The following KSR2 variants were observed in gnomAD, a reference collection of about 807,000 sequenced individuals.
The protein encoded by KSR2 is kinase suppressor of ras 2.
KSR2 carries 25 observed loss-of-function variants against 107.8 expected under a neutral mutation model. The ratio of observed to expected loss-of-function variants is 0.23; its 90% CI spans 0.17 to 0.32. The LOEUF is 0.32. KSR2 is among the 10% of genes least tolerant of loss of function. KSR2 has a pLI of 1.00. For synonymous variants in KSR2, 480 were observed against 507.0 expected (o/e 0.95, Z 0.71); for missense variants, 887 against 1,268.9 (o/e 0.70, Z 4.57).
intron 1 of KSR2, among the ~76,000 whole-genome samples, chr12:117,906,686 T>C (rs1342520973): frequency 1.3e-5 from 2 of 152,130 alleles, no homozygotes; most frequent in Non-Finnish European, 2.9e-5. Flanking sequence ...GATTCTCTCA[T>C]TGATTCCTTA....
chr12:117,478,645 C>A (rs990095921), intron 16 of KSR2, among the ~76,000 whole-genome samples: 3 of 151,840 alleles, frequency 2.0e-5, no homozygotes, highest in Admixed American at 2.0e-4. Context: ...GCTATGTGAT[C>A]TTGCTATGTT....
At chr12:117,868,469 C>T (rs975516378) in intron 1 of KSR2, among the ~76,000 whole-genome samples, 3 of 151,748 alleles carry the variant, frequency 2.0e-5, no homozygotes, top group African/African-American at 7.3e-5. Context: ...ATAAAAGTAC[C>T]GTTACTGAGC....
chr12:117,861,906 CACA>C (rs1893310058), intron 1 of KSR2, among the ~76,000 whole-genome samples: 1 of 152,150 alleles, frequency 6.6e-6, no homozygotes, highest in South Asian at 2.1e-4. Flanking sequence ...TGTAAAATCT[CACA>C]ACATTAACCA....
intron 5 of KSR2, among the ~76,000 whole-genome samples, chr12:117,584,707 A>T (rs1593020430): frequency 6.6e-6 from 1 of 152,200 alleles, no homozygotes; most frequent in Non-Finnish European, 1.5e-5. Context: ...TACTTAATAC[A>T]TGTTTGCTGA....
In KSR2 at chr12:117,810,741, T is replaced by C. The variant is rs113556995; in HGVS notation, c.472+44687A>G. ...TGCTGCAGTATGAAGATGGTTAAAC[T>C]GTTTAACCATCCCAGACCTCCAGCT... On this transcript the variant is annotated intron_variant, in intron 3 of 19. Coordinates refer to ENST00000339824, the MANE Select transcript of KSR2 (RefSeq NM_173598.6). Among the ~76,000 whole-genome samples the C allele has an allele frequency of 5.8e-3, 886 of 152,316 alleles. 10 individuals are homozygous for C. Among genetic ancestry groups the C allele is most frequent in the African/African-American group, 0.016 (664 of 41,584 alleles).
intron 4 of KSR2, among the ~76,000 whole-genome samples, chr12:117,734,753 C>CATGCATGCATGG: frequency 6.8e-6 from 1 of 148,050 alleles, no homozygotes; most frequent in East Asian, 2.1e-4. Flanking sequence ...TGCATGCATG[C>CATGCATGCATGG]ATGGATGGAT....
chr12:117,927,306 A>G (rs1443921153), intron 1 of KSR2, among the ~76,000 whole-genome samples: 2 of 151,826 alleles, frequency 1.3e-5, no homozygotes, highest in Non-Finnish European at 2.9e-5. Context: ...AACCTGGGAG[A>G]TGAAGGTTGA....
chr12:117,649,415 G>C (rs1406967878), intron 5 of KSR2, among the ~76,000 whole-genome samples: 1 of 152,116 alleles, frequency 6.6e-6, no homozygotes, highest in Non-Finnish European at 1.5e-5. Flanking sequence ...AAACCAATGA[G>C]GATTAAAGCT....
chr12:117,760,985 C>A, intron 4 of KSR2, 26 bp downstream of exon 4: 22 of 1,612,114 alleles, frequency 1.4e-5, no homozygotes, highest in Non-Finnish European at 1.9e-5. Flanking sequence ...TTCGACCGCC[C>A]CAGGGCACCC....
intron 4 of KSR2, among the ~76,000 whole-genome samples, chr12:117,690,964 A>G (rs1885788065): frequency 6.6e-6 from 1 of 152,192 alleles, no homozygotes; most frequent in Non-Finnish European, 1.5e-5. Flanking sequence ...CTCCAAGGAA[A>G]CCACATCTGT....
intron 5 of KSR2, among the ~76,000 whole-genome samples, chr12:117,640,273 T>G (rs1883297328): frequency 6.6e-6 from 1 of 151,970 alleles, no homozygotes; most frequent in African/African-American, 2.4e-5. Context: ...TATTCAGCCT[T>G]GAAGGCTCGC....
At chr12:117,727,373 AAGAAAAAGAAGGAAGAAGGAGC>A (rs1887471817) in intron 4 of KSR2, among the ~76,000 whole-genome samples, 1 of 151,918 alleles carries the variant, frequency 6.6e-6, no homozygotes, top group South Asian at 2.1e-4. Flanking sequence ...AGACCCTGTG[AAGAAAAAGAAGGAAGAAGGAGC>A]AGAAAAAGAA....
At chr12:117,959,308 T>TA (rs1466230547) in intron 1 of KSR2, among the ~76,000 whole-genome samples, 1 of 152,156 alleles carries the variant, frequency 6.6e-6, no homozygotes, top group East Asian at 1.9e-4. Context: ...CCTCCAGTCT[T>TA]ACATTTCAAA....
intron 1 of KSR2, among the ~76,000 whole-genome samples, chr12:117,944,602 T>C (rs1170988553): frequency 1.3e-5 from 2 of 151,584 alleles, no homozygotes; most frequent in Admixed American, 6.6e-5. Flanking sequence ...ACGCCTGCAA[T>C]CCCAGCACTT....
At chr12:117,652,178 A>T (rs1883932634) in intron 5 of KSR2, among the ~76,000 whole-genome samples, 1 of 152,136 alleles carries the variant, frequency 6.6e-6, no homozygotes, top group Non-Finnish European at 1.5e-5. Flanking sequence ...GAGGGGGGCG[A>T]GGGATGAAAA....
At chr12:117,572,202 C>G (rs1878937434) in intron 7 of KSR2, among the ~76,000 whole-genome samples, 1 of 152,228 alleles carries the variant, frequency 6.6e-6, no homozygotes, top group Non-Finnish European at 1.5e-5. Context: ...GCCTGGCTAA[C>G]TCCTCTTCCT....
At chr12:117,808,629 C>T (rs1016203045) in intron 3 of KSR2, among the ~76,000 whole-genome samples, 1 of 152,134 alleles carries the variant, frequency 6.6e-6, no homozygotes, top group African/African-American at 2.4e-5. Context: ...ACTAAGAAAA[C>T]GTAGCATGTC....
intron 1 of KSR2, among the ~76,000 whole-genome samples, chr12:117,957,221 T>C (rs745775167): frequency 6.6e-6 from 1 of 152,162 alleles, no homozygotes; most frequent in African/African-American, 2.4e-5. Flanking sequence ...TGTCTGTTCC[T>C]GTGTCTGCGG....
intron 5 of KSR2, among the ~76,000 whole-genome samples, chr12:117,647,322 C>T (rs941013265): frequency 1.3e-5 from 2 of 152,236 alleles, no homozygotes; most frequent in South Asian, 2.1e-4. Context: ...GCATGGGACA[C>T]AGTAGAACAC....
Sources: allele counts gnomAD v4.1 joint callset (sites outside exome capture counted in the v4.1 genomes callset), GRCh38; gene constraint gnomAD v4.1.1; transcripts MANE v1.5; gene names NCBI Gene and HGNC (gene_info 2026-07-23, HGNC 2026-07-21).